TCERG1L: variants seen among roughly 807,000 people sequenced by gnomAD.
The protein encoded by TCERG1L is transcription elongation regulator 1-like protein.
In TCERG1L, 37 loss-of-function variants were observed where a neutral mutation model predicts 56.3. That is an observed-to-expected ratio of 0.66 (90% CI 0.51 to 0.87). TCERG1L has a LOEUF of 0.87. TCERG1L is among the 40% of genes least tolerant of loss of function. TCERG1L has a pLI of 0.00. For synonymous variants in TCERG1L, 324 were observed against 326.3 expected, an observed-to-expected ratio of 0.99 and a Z score of 0.08; for missense variants, 799 against 774.2, an observed-to-expected ratio of 1.03 and a Z score of -0.38.
At chr10:131,285,197 G>A (rs1297315272) in intron 3 of TCERG1L, among the ~76,000 whole-genome samples, 2 of 151,934 alleles carry the variant, frequency 1.3e-5, no homozygotes, top group Admixed American at 6.6e-5. Flanking sequence ...GGCCAACATG[G>A]TAAAACCCTG....
chr10:131,214,621 G>A (rs1218914799), intron 4 of TCERG1L, among the ~76,000 whole-genome samples: 4 of 152,182 alleles, frequency 2.6e-5, no homozygotes, highest in Admixed American at 6.5e-5. Flanking sequence ...AGTGACAGAC[G>A]CGGTTCAGAG....
intron 6 of TCERG1L, among the ~76,000 whole-genome samples, chr10:131,154,078 T>C (rs1845894327): frequency 6.6e-6 from 1 of 152,194 alleles, no homozygotes; most frequent in South Asian, 2.1e-4. Flanking sequence ...TTCTAAGTAA[T>C]ATGCATGTGT....
intron 8 of TCERG1L, among the ~76,000 whole-genome samples, chr10:131,121,915 C>T (rs1010933410): frequency 3.3e-5 from 5 of 152,240 alleles, no homozygotes; most frequent in African/African-American, 9.6e-5. Flanking sequence ...GCAGGTACCA[C>T]ACCACCATCA....
At chr10:131,147,852 G>A (rs975103315) in intron 6 of TCERG1L, among the ~76,000 whole-genome samples, 6 of 152,258 alleles carry the variant, frequency 3.9e-5, no homozygotes, top group Admixed American at 6.5e-5. Context: ...GCACAGGTTC[G>A]GGAGGAGCTG....
intron 6 of TCERG1L, among the ~76,000 whole-genome samples, chr10:131,153,391 T>C (rs558962448): frequency 6.6e-6 from 1 of 152,262 alleles, no homozygotes; most frequent in East Asian, 1.9e-4. Context: ...CTGCTCACCC[T>C]AAGCCCCGCG....
intron 7 of TCERG1L, 149 bp downstream of exon 7, chr10:131,146,357 T>C: frequency 1.1e-6 from 1 of 902,462 alleles, no homozygotes. Flanking sequence ...CATAAAAACT[T>C]GATTACTAAA....
intron 4 of TCERG1L, among the ~76,000 whole-genome samples, chr10:131,259,041 G>A (rs1407584633): frequency 6.6e-6 from 1 of 152,020 alleles, no homozygotes; most frequent in Non-Finnish European, 1.5e-5. Flanking sequence ...CATGTTCACT[G>A]ACATGCTGAC....
intron 4 of TCERG1L, among the ~76,000 whole-genome samples, chr10:131,215,123 T>C (rs1845656730): frequency 6.6e-6 from 1 of 152,154 alleles, no homozygotes; most frequent in Non-Finnish European, 1.5e-5. Flanking sequence ...TACTTTCTAC[T>C]CAATGCCACT....
intron 8 of TCERG1L, among the ~76,000 whole-genome samples, chr10:131,121,612 T>C (rs1026897440): frequency 1.3e-5 from 2 of 152,228 alleles, no homozygotes; most frequent in East Asian, 1.9e-4. Flanking sequence ...CAGATGCCTC[T>C]AGCAGCTCTC....
intron 4 of TCERG1L, among the ~76,000 whole-genome samples, chr10:131,214,608 G>C (rs1275175164): frequency 6.6e-6 from 1 of 152,200 alleles, no homozygotes; most frequent in Non-Finnish European, 1.5e-5. Flanking sequence ...CTGACACCCA[G>C]GAAGTGACAG....
At chr10:131,257,889 AT>A (rs1381334812) in intron 4 of TCERG1L, among the ~76,000 whole-genome samples, 2 of 152,258 alleles carry the variant, frequency 1.3e-5, no homozygotes, top group East Asian at 3.8e-4. Context: ...AGTCAAGCTC[AT>A]TTATATAAAG....
intron 9 of TCERG1L, among the ~76,000 whole-genome samples, chr10:131,114,943 G>A (rs1265329239): frequency 1.3e-5 from 2 of 152,146 alleles, no homozygotes; most frequent in Middle Eastern, 3.2e-3. Context: ...TCAGAATTAC[G>A]GCCATTTCCA....
At chr10:131,257,868 G>A (rs998425403) in intron 4 of TCERG1L, among the ~76,000 whole-genome samples, 1 of 152,214 alleles carries the variant, frequency 6.6e-6, no homozygotes, top group African/African-American at 2.4e-5. Flanking sequence ...AGTCCAGAAT[G>A]TAAGTAAAAC....
At chr10:131,217,709 T>C (rs941040035) in intron 4 of TCERG1L, among the ~76,000 whole-genome samples, 4 of 4,200 alleles carry the variant, frequency 9.5e-4, no homozygotes, top group Non-Finnish European at 1.8e-3. Flanking sequence ...GTAGCTGCCC[T>C]TTTTTTTTTT....
rs979533638 is a variant in TCERG1L at position 131,146,411 on chromosome 10, A to G, written c.1189+95T>C. 5.9e-6 allele frequency: 8 copies of G among 1,367,054 alleles called. No homozygotes were observed. In the African/African-American group the frequency reaches 7.2e-5, roughly 12 times the overall value. The allele number at this position is 1,367,054 out of a possible 1,614,324, so 84.7% of individuals were successfully genotyped here. On this transcript the variant is annotated intron_variant, in intron 7 of 11. Transcript: ENST00000368642. Reference sequence around the variant, plus strand: ...GATTCCTTAATAGTCAATTTTCAACATAACCAAGAAGAAACATGCTTTCAC... The same window carrying G: ...GATTCCTTAATAGTCAATTTTCAACGTAACCAAGAAGAAACATGCTTTCAC...
In TCERG1L at chr10:131,267,995, G is replaced by C. The variant is rs1029501928; in HGVS notation, c.671-7551C>G. On this transcript the variant is annotated intron_variant, in intron 3 of 11. Transcript: ENST00000368642. This position sits in a 1 kb window ranked among gnomAD's most constrained non-coding sequence, Gnocchi z 4.9. ...CCTCTGGGAGCGAATTGCAGGCCCTGGGCCCAGCTGCCAGGAGTGCCAGGC... is the reference window on the plus strand; with the variant it reads ...CCTCTGGGAGCGAATTGCAGGCCCTCGGCCCAGCTGCCAGGAGTGCCAGGC... Among the ~76,000 whole-genome samples, 2 of 152,174 alleles carry C rather than the reference G, an allele frequency of 1.3e-5. No individual in the cohort carries two copies. Among genetic ancestry groups the C allele is most frequent in the African/African-American group, 4.8e-5 (2 of 41,450 alleles).
chr10:131,176,227 C>T (rs1846146384), intron 4 of TCERG1L, among the ~76,000 whole-genome samples: 1 of 152,174 alleles, frequency 6.6e-6, no homozygotes, highest in South Asian at 2.1e-4. Context: ...ATGCTGCACA[C>T]ACAGATACCC....
chr10:131,092,860 T>G lies in TCERG1L; in HGVS notation c.*302A>C, dbSNP rs1379628504. The G allele has an allele frequency of 4.3e-6, 1 of 234,428 alleles. No individual in the cohort carries two copies. Among genetic ancestry groups the G allele is most frequent in the Non-Finnish European group, 8.2e-6 (1 of 122,022 alleles). The allele number at this position is 234,428 out of a possible 1,614,324, so 14.5% of individuals were successfully genotyped here. ...AGATTGTTACAGAGGCTCCCGTTCC[T>G]GCTTCCCCACAGTCCTGCAGTGGAT... On this transcript the variant is annotated 3_prime_UTR_variant, in exon 12 of 12. Coordinates refer to ENST00000368642, the MANE Select transcript of TCERG1L (RefSeq NM_174937.4).
intron 4 of TCERG1L, among the ~76,000 whole-genome samples, chr10:131,211,037 C>T (rs1845613132): frequency 6.6e-6 from 1 of 152,242 alleles, no homozygotes; most frequent in African/African-American, 2.4e-5. Flanking sequence ...CCCCTTCTGT[C>T]TCACCCACCT....
Sources: allele counts gnomAD v4.1 joint callset (sites outside exome capture counted in the v4.1 genomes callset), GRCh38; gene constraint gnomAD v4.1.1; non-coding constraint Gnocchi (gnomAD v3.1); transcripts MANE v1.5; gene names NCBI Gene and HGNC (gene_info 2026-07-23, HGNC 2026-07-21).